EWSR1: variants seen among roughly 807,000 people sequenced by gnomAD.
EWSR1 encodes the protein EWS RNA binding protein 1.
EWSR1 carries 14 observed loss-of-function variants against 92.1 expected under a neutral mutation model. That is an observed-to-expected ratio of 0.15 (90% CI 0.10 to 0.24). EWSR1 has a LOEUF of 0.24. EWSR1 is among the 10% of genes least tolerant of loss of function. The pLI is 1.00. For missense variants in EWSR1, 637 were observed against 870.9 expected (o/e 0.73, Z 3.38); for synonymous variants, 303 against 292.9 (o/e 1.03, Z -0.35).
chr22:29,274,048 T>C (rs2058907860), intron 4 of EWSR1, among the ~76,000 whole-genome samples, 184 bp downstream of exon 4: 1 of 152,232 alleles, frequency 6.6e-6, no homozygotes, highest in Admixed American at 6.5e-5. Context: ...AGATCTCCAA[T>C]AGAATGTGGG....
intron 3 of EWSR1, among the ~76,000 whole-genome samples, chr22:29,272,781 C>T (rs981294709): frequency 6.6e-6 from 1 of 152,188 alleles, no homozygotes; most frequent in Non-Finnish European, 1.5e-5. Flanking sequence ...CAGAGGAGAA[C>T]ATTGCAGTGC....
chr22:29,268,717 C>T lies in EWSR1; in HGVS notation c.13+368C>T, dbSNP rs963536466. 3.9e-5 allele frequency among the ~76,000 whole-genome samples: 6 copies of T among 152,354 alleles called. No homozygotes were observed. In the South Asian group the frequency reaches 8.3e-4, roughly 21 times the overall value. On this transcript the variant is annotated intron_variant, in intron 1 of 16. Transcript: ENST00000397938. ...GGGAGGATTTGGCCAGGCCTCAAGCCGGTCACTATGAAACCGCCGGGGGGC... is the reference window on the plus strand; with the variant it reads ...GGGAGGATTTGGCCAGGCCTCAAGCTGGTCACTATGAAACCGCCGGGGGGC...
At chr22:29,279,381 T>A (rs2059386434) in intron 5 of EWSR1, among the ~76,000 whole-genome samples, 1 of 152,194 alleles carries the variant, frequency 6.6e-6, no homozygotes, top group Admixed American at 6.5e-5. Context: ...CATTACTGTC[T>A]CGGCTTAAGC....
chr22:29,274,728 C>T (rs1488651919), intron 4 of EWSR1, among the ~76,000 whole-genome samples: 1 of 151,084 alleles, frequency 6.6e-6, no homozygotes, highest in African/African-American at 2.5e-5. Context: ...CATGGTATGT[C>T]TTGAATATAT....
intron 3 of EWSR1, 53 bp from the exon 4 acceptor site, chr22:29,273,688 A>G (rs2058872353): frequency 6.3e-7 from 1 of 1,580,620 alleles, no homozygotes; most frequent in South Asian, 1.2e-5. Context: ...TTTTATTGCT[A>G]AAATACAAAA....
At chr22:29,272,578 T>TCCTTC in intron 3 of EWSR1, 147 bp downstream of exon 3, 6 of 746,950 alleles carry the variant, frequency 8.0e-6, no homozygotes, top group Non-Finnish European at 1.3e-5. Flanking sequence ...ACAGTGGGAG[T>TCCTTC]GCGAAGGACT....
intron 5 of EWSR1, among the ~76,000 whole-genome samples, chr22:29,280,881 TTTTTTTTTTTTTTTTTTTG>T (rs2059537086): frequency 1.0e-5 from 1 of 99,334 alleles, no homozygotes; most frequent in Non-Finnish European, 2.4e-5. Context: ...TTTTTTTTTT[TTTTTTTTTTTTTTTTTTTG>T]ACAGAGTCTT....
At chr22:29,286,428 C>G (rs971132121) in intron 6 of EWSR1, among the ~76,000 whole-genome samples, 1 of 151,918 alleles carries the variant, frequency 6.6e-6, no homozygotes, top group Non-Finnish European at 1.5e-5. Flanking sequence ...GTGGCTCATG[C>G]CTGTAATCCC....
At chr22:29,282,873 C>G (rs1429229580) in intron 6 of EWSR1, among the ~76,000 whole-genome samples, 2 of 151,944 alleles carry the variant, frequency 1.3e-5, no homozygotes, top group African/African-American at 4.8e-5. Flanking sequence ...CGCCATTCTC[C>G]TGCCTCAACC....
At chr22:29,273,511 T>TA (rs1414303655) in intron 3 of EWSR1, among the ~76,000 whole-genome samples, 23 of 152,316 alleles carry the variant, frequency 1.5e-4, no homozygotes, top group African/African-American at 4.8e-4. Flanking sequence ...ATTGCCTACT[T>TA]ACCTAATGAG....
chr22:29,298,985 A>G, intron 14 of EWSR1, 90 bp downstream of exon 14: 9 of 1,421,368 alleles, frequency 6.3e-6, no homozygotes, highest in Non-Finnish European at 8.5e-6. Context: ...TGCTCTGTCT[A>G]GAGGAACAGA....
intron 12 of EWSR1, 93 bp from the exon 13 acceptor site, chr22:29,297,734 C>A (rs1569119110): frequency 6.0e-6 from 9 of 1,507,538 alleles, no homozygotes; most frequent in Non-Finnish European, 7.2e-6. Flanking sequence ...ACAGGCAGAC[C>A]TAATGCATCT....
chr22:29,292,460 AAT>A, intron 10 of EWSR1, 26 bp from the exon 11 acceptor site: 1 of 1,438,524 alleles, frequency 7.0e-7, no homozygotes, highest in Admixed American at 1.7e-5. Context: ...ACATGATAAT[AAT>A]TCTCCTGTCT....
intron 1 of EWSR1, among the ~76,000 whole-genome samples, chr22:29,271,540 C>G (rs1218444771): frequency 6.6e-6 from 1 of 152,132 alleles, no homozygotes; most frequent in African/African-American, 2.4e-5. Flanking sequence ...AGACTAAATG[C>G]TTTTTCTTCT....
rs2061096817 is a variant in EWSR1, at chr22:29,298,813, A to G, written c.1498A>G (p.Arg500Gly). The G allele has an allele frequency of 6.2e-7, 1 of 1,608,502 alleles. No individual in the cohort carries two copies. Residue 500 changes from arginine to glycine, a missense_variant, in exon 14 of 17, where the codon AGA becomes GGA. Arg to Gly is a moderately radical substitution (Grantham distance 125, BLOSUM62 -2). Around this residue, in one of 5 missense-constraint regions of EWSR1, gnomAD observed 363 missense variants for 447.8 expected, o/e 0.81. Transcript: ENST00000397938. Reference sequence around the variant, plus strand: ...AGGAGATAGAGGAGGCTTCCCTCCAAGAGGACCCCGGGGTTCCCGAGGGAA... The same window carrying G: ...AGGAGATAGAGGAGGCTTCCCTCCAGGAGGACCCCGGGGTTCCCGAGGGAA... The part of the protein sequence containing the change: ...RGGDRGGFPP[R>G]GPRGSRGNPS...
At position 29,278,213 on chromosome 22, in the gene EWSR1, C is replaced by T. The variant is rs1283190033; in HGVS notation, c.410C>T (p.Thr137Ile). The stretch of plus-strand genomic sequence containing the variant: ...CAGCAGCCAGCAGCCACTGCACCTA[C>T]AAGGTAAGGCCATGGTGTCCTTAAT... ...YGQQPAATAP[T>I]RPQDGNKPTE... Residue 137 changes from threonine (T) to isoleucine (I), a missense_variant, in exon 5 of 17, where the codon ACA (threonine) becomes ATA (isoleucine). Thr to Ile is a moderately conservative substitution (Grantham distance 89). Transcript: ENST00000397938. 1.2e-6 allele frequency: 2 copies of T among 1,613,584 alleles called. No homozygotes were observed. The highest frequency in any genetic ancestry group is 2.2e-5 in the East Asian group (1 of 44,902).
At position 29,282,669 on chromosome 22, in the gene EWSR1, GTGATAAGTCATC is replaced by G. The variant is rs71778249; in HGVS notation, c.581+116_581+127del. The G allele has an allele frequency of 6.2e-3, 5,297 of 854,140 alleles. 205 individuals are homozygous for G. The African/African-American group carries it at 0.086, about 14-fold the overall frequency. The allele number at this position is 854,140 out of a possible 1,614,324, so 52.9% of individuals were successfully genotyped here. On this transcript the variant is annotated intron_variant, in intron 6 of 16. Coordinates refer to ENST00000397938, the MANE Select transcript of EWSR1 (RefSeq NM_005243.4). ...TAAGGTATGTTATCTGACTGTCGCAGTGATAAGTCATCTGACCATACTTGGTTACATTAAAGC... is the reference window on the plus strand; with the variant it reads ...TAAGGTATGTTATCTGACTGTCGCAGTGACCATACTTGGTTACATTAAAGC...
chr22:29,284,580 T>C (rs2059874754), intron 6 of EWSR1, among the ~76,000 whole-genome samples: 1 of 151,188 alleles, frequency 6.6e-6, no homozygotes, highest in Non-Finnish European at 1.5e-5. Flanking sequence ...TGAGAGATTA[T>C]TGAATTCATA....
chr22:29,290,685 G>A (rs979873707), intron 8 of EWSR1: 2 of 1,358,830 alleles, frequency 1.5e-6, no homozygotes, highest in Non-Finnish European at 1.9e-6. Context: ...TGTGTTTAAA[G>A]AGAGAGAACA....
Sources: allele counts gnomAD v4.1 joint callset (sites outside exome capture counted in the v4.1 genomes callset), GRCh38; gene constraint gnomAD v4.1.1; regional missense constraint gnomAD v4.1.1; transcripts MANE v1.5; gene names NCBI Gene and HGNC (gene_info 2026-07-23, HGNC 2026-07-21).